FSTL5: variants seen among roughly 807,000 people sequenced by gnomAD.
FSTL5 encodes follistatin like 5, also known as follistatin-related protein 5.
In FSTL5, 62 loss-of-function variants were observed where a neutral mutation model predicts 89.1. That is an observed-to-expected ratio of 0.70 (90% CI 0.57 to 0.86). The LOEUF (loss-of-function observed/expected upper bound fraction) is 0.86. Among genes scored for constraint, FSTL5 ranks in the 40% least tolerant of loss-of-function variants. The pLI is 0.00. For missense variants in FSTL5, 1,057 were observed against 1,001.6 expected (o/e 1.06, Z -0.75); for synonymous variants, 383 against 346.2 (o/e 1.11, Z -1.18).
At chr4:161,557,736 T>C (rs553438496) in intron 8 of FSTL5, among the ~76,000 whole-genome samples, 1 of 151,706 alleles carries the variant, frequency 6.6e-6, no homozygotes, top group African/African-American at 2.4e-5. Context: ...TGAAATTTTA[T>C]TAAACAACAA....
intron 2 of FSTL5, among the ~76,000 whole-genome samples, chr4:162,081,343 A>T (rs1325652279): frequency 6.6e-6 from 1 of 151,640 alleles, no homozygotes; most frequent in Non-Finnish European, 1.5e-5. Flanking sequence ...CCCTTTGCTA[A>T]TGAAGCAGAT....
At chr4:161,865,757 T>G (rs1440417909) in intron 4 of FSTL5, among the ~76,000 whole-genome samples, 1 of 151,988 alleles carries the variant, frequency 6.6e-6, no homozygotes, top group African/African-American at 2.4e-5. Flanking sequence ...GATTGCTATA[T>G]TATATTGAAA....
At chr4:162,080,629 C>T (rs1350714793) in intron 2 of FSTL5, among the ~76,000 whole-genome samples, 1 of 151,640 alleles carries the variant, frequency 6.6e-6, no homozygotes, top group Admixed American at 6.6e-5. Flanking sequence ...TAAAGTTTCA[C>T]TATTTCCTTG....
chr4:161,563,353 A>G (rs72687545), intron 8 of FSTL5, among the ~76,000 whole-genome samples: 10,705 of 151,910 alleles, frequency 0.07, 481 homozygotes, highest in Middle Eastern at 0.16. Flanking sequence ...TTCTATTGCT[A>G]TTTTTTTAGA....
chr4:161,580,983 G>A (rs1733415318), intron 8 of FSTL5, among the ~76,000 whole-genome samples: 1 of 152,026 alleles, frequency 6.6e-6, no homozygotes, highest in Non-Finnish European at 1.5e-5. Context: ...GCCTCATGAG[G>A]CAAAAGCCTG....
intron 11 of FSTL5, among the ~76,000 whole-genome samples, chr4:161,502,266 C>T (rs1308920380): frequency 6.6e-6 from 1 of 151,852 alleles, no homozygotes; most frequent in African/African-American, 2.4e-5. Context: ...ATTTGTTGCA[C>T]TGGTGGAATT....
At chr4:161,949,056 C>A (rs540346327) in intron 3 of FSTL5, among the ~76,000 whole-genome samples, 1 of 152,232 alleles carries the variant, frequency 6.6e-6, no homozygotes, top group South Asian at 2.1e-4. Context: ...GGGCTGTGTT[C>A]CTTCTGGGAG....
intron 3 of FSTL5, among the ~76,000 whole-genome samples, chr4:162,006,597 T>A (rs1313452353): frequency 6.6e-6 from 1 of 151,958 alleles, no homozygotes; most frequent in East Asian, 1.9e-4. Flanking sequence ...AGCATTATTA[T>A]CCAGTTGGTA....
chr4:161,888,684 T>C (rs1732891053), intron 4 of FSTL5, among the ~76,000 whole-genome samples: 1 of 152,096 alleles, frequency 6.6e-6, no homozygotes. Flanking sequence ...ATATTTAATA[T>C]ATATTAGATT....
chr4:161,966,232 C>T (rs750252088), intron 3 of FSTL5, among the ~76,000 whole-genome samples: 5 of 152,012 alleles, frequency 3.3e-5, no homozygotes, highest in Non-Finnish European at 5.9e-5. Context: ...CATACTGAAG[C>T]TTGGCTTGGA....
intron 11 of FSTL5, among the ~76,000 whole-genome samples, chr4:161,504,530 C>CT (rs984805643): frequency 1.9e-4 from 29 of 150,072 alleles, no homozygotes; most frequent in East Asian, 1.2e-3. Flanking sequence ...AGCGCTTAGT[C>CT]TTTTTTTTGG....
At chr4:161,996,743 A>G (rs1736307276) in intron 3 of FSTL5, among the ~76,000 whole-genome samples, 2 of 152,054 alleles carry the variant, frequency 1.3e-5, no homozygotes, top group African/African-American at 2.4e-5. Flanking sequence ...TCCCAACTTT[A>G]TTTGCTTCCA....
At chr4:161,641,503 TG>T (rs1203282918) in intron 7 of FSTL5, among the ~76,000 whole-genome samples, 26 of 149,542 alleles carry the variant, frequency 1.7e-4, no homozygotes, top group African/African-American at 4.4e-4. Context: ...TTTTTTGTTT[TG>T]TTTTGTTTTT....
chr4:161,808,334 C>CA (rs1209644318), intron 4 of FSTL5, among the ~76,000 whole-genome samples: 3 of 151,946 alleles, frequency 2.0e-5, no homozygotes, highest in East Asian at 1.9e-4. Flanking sequence ...CATTGCCCTC[C>CA]AAAAAAACAT....
At chr4:162,081,068 T>C (rs868799160) in intron 2 of FSTL5, among the ~76,000 whole-genome samples, 3 of 151,822 alleles carry the variant, frequency 2.0e-5, no homozygotes, top group South Asian at 4.1e-4. Flanking sequence ...AAAGTTTATT[T>C]TAGGGCATAT....
intron 6 of FSTL5, among the ~76,000 whole-genome samples, chr4:161,716,300 A>T (rs1738978519): frequency 6.6e-6 from 1 of 152,038 alleles, no homozygotes; most frequent in Admixed American, 6.6e-5. Context: ...ATTCCCCTAT[A>T]TAAAATAGCA....
At chr4:162,053,465 A>G (rs1357870378) in intron 2 of FSTL5, among the ~76,000 whole-genome samples, 2 of 151,816 alleles carry the variant, frequency 1.3e-5, no homozygotes, top group Non-Finnish European at 3.0e-5. Flanking sequence ...AGAGAACTAG[A>G]CAAAACACAT....
intron 8 of FSTL5, among the ~76,000 whole-genome samples, chr4:161,578,945 A>G (rs1578941117): frequency 6.6e-6 from 1 of 152,330 alleles, no homozygotes; most frequent in Middle Eastern, 3.4e-3. Flanking sequence ...AAGAAAATGT[A>G]TCAGGAGCAG....
chr4:161,811,393 C>T (rs756368263), intron 4 of FSTL5, among the ~76,000 whole-genome samples: 17 of 151,970 alleles, frequency 1.1e-4, no homozygotes, highest in African/African-American at 3.9e-4. Flanking sequence ...CATGTAGATG[C>T]CGAGCATTTG....
Sources: gnomAD v4.1 joint callset for allele counts (sites outside exome capture counted in the v4.1 genomes callset) on GRCh38, gnomAD v4.1.1 for gene constraint, MANE v1.5 for transcripts, NCBI Gene and HGNC (gene_info 2026-07-23, HGNC 2026-07-21) for gene names.